Variants in VTI1A observed in about 807,000 individuals in gnomAD.
The protein encoded by VTI1A is vesicle transport through interaction with t-SNAREs homolog 1A.
Under a neutral mutation model 34.9 loss-of-function variants are expected in VTI1A, and 22 were observed. The ratio of observed to expected loss-of-function variants is 0.63; its 90% CI spans 0.45 to 0.90. The LOEUF (loss-of-function observed/expected upper bound fraction) is 0.90, where lower values mean the gene tolerates loss of function less well. Among genes scored for constraint, VTI1A ranks in the 40% least tolerant of loss-of-function variants. The probability of loss-of-function intolerance (pLI) is 0.00; values close to 1 mark genes in which losing one functional copy is unlikely to be tolerated. For synonymous variants in VTI1A, 87 were observed against 97.3 expected (o/e 0.89, Z 0.62); for missense variants, 268 against 275.6 (o/e 0.97, Z 0.20).
At chr10:112,847,347 C>T in the VTI1A span, among the ~76,000 whole-genome samples, 1 of 152,162 alleles carries the variant, frequency 6.6e-6, no homozygotes, top group Non-Finnish European at 1.5e-5. Flanking sequence ...AGGCCTCAGG[C>T]ACTTCAAGCA....
At chr10:112,834,531 C>T in the VTI1A span, among the ~76,000 whole-genome samples, 273 of 152,316 alleles carry the variant, frequency 1.8e-3, 6 homozygotes, top group East Asian at 0.048. Flanking sequence ...GCAGACCCTC[C>T]GCCCAGTGGA....
chr10:112,660,167 C>G (rs1408276594), intron 5 of VTI1A, among the ~76,000 whole-genome samples: 1 of 152,092 alleles, frequency 6.6e-6, no homozygotes, highest in Non-Finnish European at 1.5e-5. Flanking sequence ...GTGGCATGAT[C>G]TCGGCACACT....
intron 5 of VTI1A, among the ~76,000 whole-genome samples, chr10:112,649,786 G>T (rs1846939481): frequency 2.6e-5 from 4 of 152,162 alleles, no homozygotes; most frequent in African/African-American, 9.7e-5. Context: ...TGTATAGTAT[G>T]TTACTGTACT....
intron 7 of VTI1A, among the ~76,000 whole-genome samples, chr10:112,796,419 A>AAG (rs1554963654): frequency 0.54 from 78,029 of 145,756 alleles, 21,502 homozygotes; most frequent in South Asian, 0.67. Flanking sequence ...AAAAAAAAAA[A>AAG]AAGAAGGCTG....
intron 7 of VTI1A, among the ~76,000 whole-genome samples, chr10:112,736,137 A>ATATATATATATG (rs1850460132): frequency 1.4e-5 from 2 of 145,274 alleles, no homozygotes; most frequent in African/African-American, 5.1e-5. Context: ...ATATATATAT[A>ATATATATATATG]TGTAAATGTA....
intron 7 of VTI1A, among the ~76,000 whole-genome samples, chr10:112,768,463 C>T (rs1851709493): frequency 6.6e-6 from 1 of 152,186 alleles, no homozygotes. Context: ...TCCACGGGAA[C>T]ATTTGGTATT....
At chr10:112,833,101 G>C in the VTI1A span, among the ~76,000 whole-genome samples, 3 of 152,150 alleles carry the variant, frequency 2.0e-5, no homozygotes, top group Non-Finnish European at 2.9e-5. Flanking sequence ...CCTTATGCCA[G>C]GGAGGACAGG....
chr10:112,808,929 C>CT (rs1853191327), intron 7 of VTI1A, among the ~76,000 whole-genome samples: 1 of 152,274 alleles, frequency 6.6e-6, no homozygotes, highest in South Asian at 2.1e-4. Context: ...AAGACAGTAT[C>CT]TTTTTCTTGA....
At chr10:112,640,223 A>G (rs1421365232) in intron 5 of VTI1A, among the ~76,000 whole-genome samples, 1 of 152,222 alleles carries the variant, frequency 6.6e-6, no homozygotes, top group Non-Finnish European at 1.5e-5. Context: ...CAGATGCTAA[A>G]GATGTCATAT....
intron 5 of VTI1A, among the ~76,000 whole-genome samples, chr10:112,619,110 A>C (rs1037814075): frequency 2.7e-5 from 4 of 150,872 alleles, no homozygotes; most frequent in African/African-American, 9.8e-5. Context: ...CAGTGTGTTC[A>C]GAAAATTGTC....
chr10:112,630,900 T>TCAC, intron 5 of VTI1A, among the ~76,000 whole-genome samples: 1 of 152,176 alleles, frequency 6.6e-6, no homozygotes, highest in South Asian at 2.1e-4. Flanking sequence ...GGGGGGCGGA[T>TCAC]CACCTGAGGT....
chr10:112,837,607 G>A, the VTI1A span, among the ~76,000 whole-genome samples: 1 of 152,202 alleles, frequency 6.6e-6, no homozygotes, highest in South Asian at 2.1e-4. Context: ...CTGGCCCTCT[G>A]GGCCTCAATT....
intron 7 of VTI1A, among the ~76,000 whole-genome samples, chr10:112,711,461 A>G (rs556917825): frequency 2.0e-5 from 3 of 152,298 alleles, no homozygotes; most frequent in South Asian, 4.2e-4. Flanking sequence ...AAGCATTCCT[A>G]CTACTAATAA....
intron 7 of VTI1A, among the ~76,000 whole-genome samples, chr10:112,793,056 G>A (rs1383814290): frequency 6.6e-6 from 1 of 152,232 alleles, no homozygotes; most frequent in Non-Finnish European, 1.5e-5. Context: ...TCGGTGAAGT[G>A]GAAGCACAGG....
At chr10:112,564,117 G>GTTT (rs747104298) in intron 5 of VTI1A, among the ~76,000 whole-genome samples, 1 of 136,608 alleles carries the variant, frequency 7.3e-6, no homozygotes. Context: ...CCTGAAAATA[G>GTTT]TTTTTTTTTT....
chr10:112,707,643 G>A (rs1849248898), intron 7 of VTI1A, among the ~76,000 whole-genome samples: 1 of 151,976 alleles, frequency 6.6e-6, no homozygotes, highest in Non-Finnish European at 1.5e-5. Flanking sequence ...TTGAACTATT[G>A]TTAATAACTT....
intron 7 of VTI1A, among the ~76,000 whole-genome samples, chr10:112,704,471 A>G (rs1390034271): frequency 6.6e-6 from 1 of 152,188 alleles, no homozygotes; most frequent in Non-Finnish European, 1.5e-5. Context: ...TCACCAAGAC[A>G]TAGGCATTTT....
intron 5 of VTI1A, among the ~76,000 whole-genome samples, chr10:112,592,588 C>T (rs1264511500): frequency 6.6e-6 from 1 of 152,204 alleles, no homozygotes; most frequent in Non-Finnish European, 1.5e-5. Flanking sequence ...CAAATCACAG[C>T]ACTTGATCTA....
chr10:112,510,746 A>G (rs1849580330), intron 3 of VTI1A, among the ~76,000 whole-genome samples: 2 of 152,218 alleles, frequency 1.3e-5, no homozygotes, highest in South Asian at 4.1e-4. Flanking sequence ...ATACTCTTTT[A>G]TTTTGAACTG....
Sources: allele counts gnomAD v4.1 joint callset (sites outside exome capture counted in the v4.1 genomes callset), GRCh38; gene constraint gnomAD v4.1.1; transcripts MANE v1.5; gene names NCBI Gene and HGNC (gene_info 2026-07-23, HGNC 2026-07-21).